Variants in NEDD9 observed in about 807,000 individuals in gnomAD.
The protein encoded by NEDD9 is enhancer of filamentation 1.
In NEDD9, 26 loss-of-function variants were observed where a neutral mutation model predicts 76.6. That is an observed-to-expected ratio of 0.34 (90% CI 0.25 to 0.47). NEDD9 has a LOEUF of 0.47. NEDD9 is among the 20% of genes least tolerant of loss of function. The pLI is 1.00. For synonymous variants in NEDD9, 392 were observed against 414.2 expected, an observed-to-expected ratio of 0.95 and a Z score of 0.65; for missense variants, 937 against 1,058.5, an observed-to-expected ratio of 0.89 and a Z score of 1.59.
chr6:11,320,680 A>G (rs947861912), intron 2 of NEDD9, among the ~76,000 whole-genome samples: 2 of 152,222 alleles, frequency 1.3e-5, no homozygotes, highest in Non-Finnish European at 2.9e-5. Context: ...AAATGATGCT[A>G]ATCTATACAA....
At chr6:11,303,206 T>C (rs1272234307) in intron 3 of NEDD9, among the ~76,000 whole-genome samples, 1 of 152,182 alleles carries the variant, frequency 6.6e-6, no homozygotes, top group Non-Finnish European at 1.5e-5. Context: ...ATCACAAGCA[T>C]TCCTATACAC....
rs1177488977 is a variant in NEDD9, at chr6:11,237,809, C to T, written c.13-24082G>A. On this transcript the variant is annotated intron_variant, in intron 3 of 3. Coordinates refer to the NEDD9 transcript ENST00000397378. This position sits in a 1 kb window ranked among gnomAD's most constrained non-coding sequence, Gnocchi z 4.9. The stretch of plus-strand genomic sequence containing the variant: ...CACTCTAGATTAGTGCAAGGTACAT[C>T]TATGCCTGAGTTCAGAATAAAGTAT... 6.6e-6 allele frequency among the ~76,000 whole-genome samples: 1 copy of T among 152,172 alleles called. No individual in the cohort carries two copies. The highest frequency in any genetic ancestry group is 1.5e-5 in the Non-Finnish European group (1 of 68,044).
intron 3 of NEDD9, chr6:11,249,272 GA>G (rs1226116833): frequency 2.3e-6 from 1 of 427,934 alleles, no homozygotes; most frequent in Non-Finnish European, 4.6e-6. Context: ...GTGAGTAACA[GA>G]AAAACCCTAG....
At chr6:11,266,280 A>G (rs148580806) in intron 3 of NEDD9, among the ~76,000 whole-genome samples, 2,186 of 152,028 alleles carry the variant, frequency 0.014, 50 homozygotes, top group African/African-American at 0.049. Flanking sequence ...ACATTTTTCC[A>G]TATCTGGAGA....
At chr6:11,353,274 G>A (rs1239846615) in intron 1 of NEDD9, among the ~76,000 whole-genome samples, 1 of 152,216 alleles carries the variant, frequency 6.6e-6, no homozygotes, top group African/African-American at 2.4e-5. Context: ...ACTTTATTTG[G>A]AAATAAGATC....
intron 3 of NEDD9, among the ~76,000 whole-genome samples, chr6:11,256,127 G>T (rs1208976625): frequency 6.6e-6 from 1 of 152,266 alleles, no homozygotes; most frequent in East Asian, 1.9e-4. Flanking sequence ...CTGAACAACA[G>T]CAACTCTCTG....
At chr6:11,314,407 G>A (rs557637709) in intron 2 of NEDD9, among the ~76,000 whole-genome samples, 1 of 152,314 alleles carries the variant, frequency 6.6e-6, no homozygotes, top group South Asian at 2.1e-4. Context: ...AAAGGAGTGG[G>A]TGGGGAGAAA....
chr6:11,318,394 G>A (rs1406385550), intron 2 of NEDD9, among the ~76,000 whole-genome samples: 2 of 152,172 alleles, frequency 1.3e-5, no homozygotes, highest in Non-Finnish European at 2.9e-5. Context: ...TGGAGCGGGG[G>A]ATGAGAAACA....
At chr6:11,323,836 C>T (rs763261259) in intron 2 of NEDD9, among the ~76,000 whole-genome samples, 14 of 152,210 alleles carry the variant, frequency 9.2e-5, no homozygotes, top group Non-Finnish European at 1.6e-4. Context: ...CCACCTTGCA[C>T]GTCACATGTT....
At chr6:11,288,037 T>G (rs1240275013) in intron 3 of NEDD9, among the ~76,000 whole-genome samples, 1 of 152,224 alleles carries the variant, frequency 6.6e-6, no homozygotes, top group East Asian at 1.9e-4. Context: ...TTCTTTCCAT[T>G]CCTCCACTCT....
intron 3 of NEDD9, among the ~76,000 whole-genome samples, chr6:11,248,439 C>A (rs1197835844): frequency 6.6e-6 from 1 of 152,170 alleles, no homozygotes; most frequent in Non-Finnish European, 1.5e-5. Context: ...ATGCTTATAA[C>A]CTTGTTACTG....
chr6:11,351,357 AGAGGG>A (rs1489662748), intron 1 of NEDD9, among the ~76,000 whole-genome samples: 1 of 152,208 alleles, frequency 6.6e-6, no homozygotes, highest in African/African-American at 2.4e-5. Context: ...GACCAGTTCA[AGAGGG>A]GCTTCATGGA....
At chr6:11,289,187 G>A (rs1760711289) in intron 3 of NEDD9, among the ~76,000 whole-genome samples, 1 of 152,224 alleles carries the variant, frequency 6.6e-6, no homozygotes, top group South Asian at 2.1e-4. Flanking sequence ...AGCTGGAACA[G>A]CTAGCATGAA....
chr6:11,272,299 G>A (rs6920739), intron 3 of NEDD9, among the ~76,000 whole-genome samples: 41,126 of 152,096 alleles, frequency 0.27, 6,096 homozygotes, highest in African/African-American at 0.39. Context: ...GCTTTCTAAT[G>A]TTCCATAGAA....
intron 2 of NEDD9, among the ~76,000 whole-genome samples, chr6:11,319,269 A>G (rs1761681584): frequency 6.6e-6 from 1 of 152,210 alleles, no homozygotes; most frequent in Non-Finnish European, 1.5e-5. Context: ...TTCAGGGCCA[A>G]CGCCCTTTTC....
At chr6:11,329,969 T>TG (rs1314992153) in intron 2 of NEDD9, among the ~76,000 whole-genome samples, 1 of 152,188 alleles carries the variant, frequency 6.6e-6, no homozygotes, top group East Asian at 1.9e-4. Context: ...CACCATCCAA[T>TG]GGGGAGCTTC....
chr6:11,313,579 G>A (rs2113446667), intron 2 of NEDD9, among the ~76,000 whole-genome samples: 1 of 151,628 alleles, frequency 6.6e-6, no homozygotes, highest in African/African-American at 2.4e-5. Flanking sequence ...TGAATAGATG[G>A]ATGGGTGGGT....
intron 1 of NEDD9, among the ~76,000 whole-genome samples, chr6:11,358,158 G>A (rs1482857189): frequency 6.6e-6 from 1 of 150,722 alleles, no homozygotes; most frequent in Non-Finnish European, 1.5e-5. Flanking sequence ...CTGAGGCAGG[G>A]GAATCGCTTG....
At chr6:11,281,443 T>C (rs776306354) in intron 3 of NEDD9, among the ~76,000 whole-genome samples, 14 of 152,260 alleles carry the variant, frequency 9.2e-5, no homozygotes, top group Non-Finnish European at 1.9e-4. Flanking sequence ...TGAAAGGCTA[T>C]TCCCTTTATT....
Sources: gnomAD v4.1 joint callset for allele counts (sites outside exome capture counted in the v4.1 genomes callset) on GRCh38, gnomAD v4.1.1 for gene constraint, Gnocchi (gnomAD v3.1) non-coding constraint, MANE v1.5 for transcripts, NCBI Gene and HGNC (gene_info 2026-07-23, HGNC 2026-07-21) for gene names.